Variants in NBAS observed in about 807,000 individuals in gnomAD.
NBAS encodes NAG/BC035112 fusion.
A neutral mutation model predicts 302.5 loss-of-function variants in NBAS; 219 were observed. That is an observed-to-expected ratio of 0.72 (90% CI 0.65 to 0.81). The LOEUF is 0.81. NBAS is among the 30% of genes least tolerant of loss of function. The probability of loss-of-function intolerance (pLI) is 0.00; values close to 1 mark genes in which losing one functional copy is unlikely to be tolerated. For synonymous variants in NBAS, 1,118 were observed against 1,021.6 expected (o/e 1.09, Z -1.80); for missense variants, 2,932 against 2,841.6 (o/e 1.03, Z -0.72).
chr2:15,390,909 T>G (rs1330384549), intron 28 of NBAS, among the ~76,000 whole-genome samples: 1 of 152,032 alleles, frequency 6.6e-6, no homozygotes, highest in African/African-American at 2.4e-5. Flanking sequence ...GGTCAGGAGT[T>G]TGAGACCAGT....
chr2:15,512,413 G>A (rs1246080168), intron 9 of NBAS, among the ~76,000 whole-genome samples: 1 of 152,132 alleles, frequency 6.6e-6, no homozygotes, highest in Non-Finnish European at 1.5e-5. Flanking sequence ...TTCACCTTGT[G>A]TGGCAGGCAA....
intron 28 of NBAS, among the ~76,000 whole-genome samples, chr2:15,390,090 C>T (rs114953598): frequency 2.0e-5 from 3 of 152,078 alleles, no homozygotes; most frequent in Admixed American, 6.6e-5. Flanking sequence ...AAGCCATAAA[C>T]GCCTACAATA....
chr2:15,316,945 T>G (rs1671542777), intron 38 of NBAS, among the ~76,000 whole-genome samples: 1 of 152,178 alleles, frequency 6.6e-6, no homozygotes, highest in African/African-American at 2.4e-5. Context: ...TGACCCCGTG[T>G]AGCCTAACTG....
In NBAS at chr2:15,330,731, T is replaced by A; in HGVS notation, c.4214A>T (p.Asp1405Val). Residue 1405 changes from aspartate (D) to valine (V), a missense_variant, in exon 36 of 52, where the codon GAC becomes GTC. Physicochemically the swap from Asp to Val is radical, Grantham distance 152 (BLOSUM62 -3). Coordinates refer to ENST00000281513, the MANE Select transcript of NBAS (RefSeq NM_015909.4). ...GGTAGCAGTGGTCCAGCGCAATAGG[T>A]CAGCTGAATTGCTACCTGGAACACC... ...EVGVPGSNSA[D>V]LLRWTTATTM... The A allele has an allele frequency of 6.2e-7, 1 of 1,613,934 alleles. No homozygotes were observed. The highest frequency in any genetic ancestry group is 1.7e-5 in the Admixed American group (1 of 60,002).
the NBAS span, among the ~76,000 whole-genome samples, chr2:15,139,721 G>A: frequency 1.3e-5 from 2 of 152,144 alleles, no homozygotes; most frequent in Non-Finnish European, 2.9e-5. Context: ...ACCTCCCCTA[G>A]TAGTCCTTCA....
rs146465139 is a variant in NBAS, at chr2:15,478,865, A to C, written c.1084-576T>G. Among the ~76,000 whole-genome samples the C allele has an allele frequency of 5.4e-3, 817 of 152,308 alleles. 7 individuals carry two copies. The highest frequency in any genetic ancestry group is 0.019 in the African/African-American group (781 of 41,554). On this transcript the variant is annotated intron_variant, in intron 12 of 51. Coordinates refer to ENST00000281513, the MANE Select transcript of NBAS (RefSeq NM_015909.4). ...TCTTTGAGAATATAACAGCACATTG[A>C]TATCTCTCAAATATCAATTTGAGAA...
intron 48 of NBAS, 46 bp downstream of exon 48, chr2:15,218,727 C>A (rs1280577701): frequency 1.2e-6 from 2 of 1,612,752 alleles, no homozygotes; most frequent in Non-Finnish European, 1.7e-6. Context: ...CGCGTCCGGC[C>A]TAATTATTGT....
chr2:15,185,535 C>T (rs1296686620), intron 50 of NBAS, among the ~76,000 whole-genome samples: 1 of 152,126 alleles, frequency 6.6e-6, no homozygotes, highest in African/African-American at 2.4e-5. Context: ...TGGGCTGAAT[C>T]CTGCCCTGGG....
At chr2:15,439,054 G>C (rs1019419604) in intron 21 of NBAS, among the ~76,000 whole-genome samples, 4 of 152,076 alleles carry the variant, frequency 2.6e-5, no homozygotes, top group African/African-American at 9.7e-5. Flanking sequence ...CCAGCACTTT[G>C]GGAGGCCGAG....
At chr2:14,843,583 A>ACACACAC in the NBAS span, among the ~76,000 whole-genome samples, 344 of 94,194 alleles carry the variant, frequency 3.7e-3, 1 homozygote, top group African/African-American at 0.043. Flanking sequence ...CACACACACA[A>ACACACAC]AAATACCTTC....
chr2:15,515,441 T>C (rs894427525), intron 9 of NBAS, among the ~76,000 whole-genome samples: 88 of 152,278 alleles, frequency 5.8e-4, no homozygotes, highest in African/African-American at 2.1e-3. Flanking sequence ...TAGTCCCAGC[T>C]ACCTGGAAGG....
chr2:15,559,503 A>G (rs1266125100), intron 1 of NBAS, among the ~76,000 whole-genome samples: 1 of 152,276 alleles, frequency 6.6e-6, no homozygotes, highest in African/African-American at 2.4e-5. Context: ...GAAAAGCACA[A>G]TGGACATACA....
At chr2:15,075,805 G>C in the NBAS span, among the ~76,000 whole-genome samples, 1 of 151,754 alleles carries the variant, frequency 6.6e-6, no homozygotes, top group Non-Finnish European at 1.5e-5. Context: ...AAAAAGCCCA[G>C]AAGGATACAC....
At chr2:14,924,752 A>T in the NBAS span, among the ~76,000 whole-genome samples, 1 of 151,954 alleles carries the variant, frequency 6.6e-6, no homozygotes. Context: ...GTTGCTGAAG[A>T]CCTCACTTCA....
the NBAS span, among the ~76,000 whole-genome samples, chr2:14,842,846 C>CAAAAAAAAA: frequency 5.4e-5 from 4 of 74,028 alleles, no homozygotes; most frequent in Non-Finnish European, 9.0e-5. Flanking sequence ...CAGAAAATGA[C>CAAAAAAAAA]AAAAAAAAAA....
intron 12 of NBAS, among the ~76,000 whole-genome samples, chr2:15,485,513 A>G (rs1164655617): frequency 6.6e-6 from 1 of 152,374 alleles, no homozygotes; most frequent in African/African-American, 2.4e-5. Flanking sequence ...GAACATATGC[A>G]TCAGTGTCAG....
chr2:15,281,469 A>G (rs1176378738), intron 42 of NBAS, among the ~76,000 whole-genome samples: 1 of 152,204 alleles, frequency 6.6e-6, no homozygotes, highest in Non-Finnish European at 1.5e-5. Flanking sequence ...TCAGATGTGC[A>G]ATGTTAGGTT....
intron 23 of NBAS, among the ~76,000 whole-genome samples, chr2:15,421,108 A>T (rs769510609): frequency 2.0e-5 from 3 of 152,194 alleles, no homozygotes; most frequent in African/African-American, 4.8e-5. Flanking sequence ...AGTCCGAAAG[A>T]ATACATCTAC....
the NBAS span, among the ~76,000 whole-genome samples, chr2:14,968,836 C>T: frequency 6.6e-6 from 1 of 152,122 alleles, no homozygotes; most frequent in Non-Finnish European, 1.5e-5. Flanking sequence ...AGCAATTTCA[C>T]TGCTAGGTAT....
Sources: allele counts gnomAD v4.1 joint callset (sites outside exome capture counted in the v4.1 genomes callset), GRCh38; gene constraint gnomAD v4.1.1; transcripts MANE v1.5; gene names NCBI Gene and HGNC (gene_info 2026-07-23, HGNC 2026-07-21).